PHKA2: variants seen among roughly 807,000 people sequenced by gnomAD.
The protein encoded by PHKA2 is phosphorylase b kinase regulatory subunit alpha, liver isoform.
PHKA2 carries 31 observed loss-of-function variants against 102.0 expected under a neutral mutation model. The observed-to-expected ratio is 0.30, with a 90% CI of 0.23 to 0.41. The LOEUF is 0.41. PHKA2 is among the 10% of genes least tolerant of loss of function. The probability of loss-of-function intolerance (pLI) is 1.00; values close to 1 mark genes in which losing one functional copy is unlikely to be tolerated. For synonymous variants in PHKA2, 455 were observed against 416.2 expected (o/e 1.09, Z -1.13); for missense variants, 858 against 1,023.1 (o/e 0.84, Z 2.20).
At chrX:18,936,826 C>T (rs909445328) in intron 10 of PHKA2, among the ~76,000 whole-genome samples, 2 of 112,071 alleles carry the variant, frequency 1.8e-5, no homozygotes, top group African/African-American at 6.5e-5. Context: ...CATTGGGCAA[C>T]AAGTGTGAGC....
chrX:18,971,999 A>G (rs1030145095), intron 1 of PHKA2, among the ~76,000 whole-genome samples: 4 of 112,928 alleles, frequency 3.5e-5, no homozygotes, highest in Non-Finnish European at 5.6e-5. Flanking sequence ...AGTTGAATTT[A>G]TCAATTTATT....
intron 23 of PHKA2, 52 bp from the exon 24 acceptor site, chrX:18,906,866 C>T: frequency 9.4e-7 from 1 of 1,068,166 alleles, no homozygotes; most frequent in Non-Finnish European, 1.3e-6. Context: ...GAGACAGTGC[C>T]TCCTCGCCCT....
rs1203881130 is a variant in PHKA2 at position 18,899,236 on chromosome X, A to G, written c.3058-10T>C. The G allele has an allele frequency of 8.3e-7, 1 of 1,200,945 alleles. No individual in the cohort carries two copies. Among genetic ancestry groups the G allele is most frequent in the African/African-American group, 1.7e-5 (1 of 57,688 alleles). ...GGCCCACAGAAAAGAACTACAAAAC[A>G]AAAAGAATCCACTCAGTTGACAGCA... On this transcript the variant is annotated splice_polypyrimidine_tract_variant and intron_variant, in intron 28 of 32. Coordinates refer to ENST00000379942, the MANE Select transcript of PHKA2 (RefSeq NM_000292.3).
chrX:18,910,926 A>G lies in PHKA2; in HGVS notation c.2172T>C (p.Ser724=), dbSNP rs144151433. ...VPMTLPTKVL[S]AHRKSLNLVD... is the part of the protein sequence containing the mutation. ...CAAGATTCAGTGATTTACGGTGGGCACTTAGAACTTTAGTCGGCAAAGTCA... is the reference window on the plus strand; with the variant it reads ...CAAGATTCAGTGATTTACGGTGGGCGCTTAGAACTTTAGTCGGCAAAGTCA... The change falls in exon 20 of 33, where the codon AGT becomes AGC. Residue 724 remains serine, a synonymous_variant. Transcript: ENST00000379942. The G allele has an allele frequency of 1.5e-4, 178 of 1,191,797 alleles. No individual in the cohort carries two copies. The African/African-American group carries it at 2.7e-3, about 18-fold the overall frequency.
At chrX:18,970,349 T>G (rs1450065282) in intron 1 of PHKA2, among the ~76,000 whole-genome samples, 2 of 112,716 alleles carry the variant, frequency 1.8e-5, no homozygotes, top group Admixed American at 9.4e-5. Flanking sequence ...ATTTTTGTGG[T>G]GAGAACACTT....
intron 1 of PHKA2, among the ~76,000 whole-genome samples, chrX:18,975,062 T>C (rs2049067594): frequency 9.0e-6 from 1 of 111,118 alleles, no homozygotes; most frequent in Non-Finnish European, 1.9e-5. Context: ...GACTCCCACA[T>C]TTCTGTCTCT....
intron 11 of PHKA2, among the ~76,000 whole-genome samples, chrX:18,934,394 C>T (rs770126723): frequency 3.6e-5 from 4 of 111,590 alleles, no homozygotes; most frequent in South Asian, 3.8e-4. Context: ...TGTGGGCTGT[C>T]GGTTCATGTT....
chrX:18,905,379 G>A (rs1320963194), intron 26 of PHKA2, among the ~76,000 whole-genome samples: 1 of 111,371 alleles, frequency 9.0e-6, no homozygotes, highest in Non-Finnish European at 1.9e-5. Flanking sequence ...GTTTCACCAC[G>A]TTGGTCAGGC....
At chrX:18,966,372 G>A (rs2048945139) in intron 1 of PHKA2, among the ~76,000 whole-genome samples, 1 of 110,730 alleles carries the variant, frequency 9.0e-6, no homozygotes, top group South Asian at 3.8e-4. Context: ...GATTACAGGC[G>A]TGAGCCACCA....
chrX:18,926,660 G>A, intron 13 of PHKA2, 73 bp from the exon 14 acceptor site: 4 of 974,672 alleles, frequency 4.1e-6, no homozygotes, highest in Non-Finnish European at 5.8e-6. Context: ...GTTCCTTACT[G>A]CCCTCTTCTG....
In PHKA2 at chrX:18,966,091, TG is replaced by T. The variant is rs1324843014; in HGVS notation, c.79-11680del. 6.7e-3 allele frequency among the ~76,000 whole-genome samples: 685 copies of T among 102,556 alleles called. 18 individuals carry two copies. Among genetic ancestry groups the T allele is most frequent in the African/African-American group, 0.025 (645 of 26,198 alleles). 89.1% of individuals were successfully genotyped at this position (102,556 alleles called of 115,157 possible). On this transcript the variant is annotated intron_variant, in intron 1 of 32. Coordinates refer to ENST00000379942, the MANE Select transcript of PHKA2 (RefSeq NM_000292.3). The stretch of plus-strand genomic sequence containing the variant: ...GGTGGTGGCTCTTTTGTTTTTTTTT[TG>T]TTTTTTTTTTTTTGAGATGGAGTCT...
rs1484080768 is a variant in PHKA2 at position 18,983,862 on chromosome X, C to T, written c.71G>A (p.Cys24Tyr). Residue 24 changes from cysteine to tyrosine, a missense_variant, in exon 1 of 33, where the codon TGT (cysteine) becomes TAT (tyrosine). By Grantham distance (194) the Cys-to-Tyr change is radical. Coordinates refer to ENST00000379942, the MANE Select transcript of PHKA2 (RefSeq NM_000292.3). The stretch of plus-strand genomic sequence containing the variant: ...GGGGCGGTCCCTCCTTACCTGGTAA[C>T]ACAGGATGGTTTGCTGCACCAGCCG... ...YARLVQQTIL[C>Y]YQNPVTGLLS... The T allele has an allele frequency of 8.3e-7, 1 of 1,210,125 alleles. No individual in the cohort carries two copies. The highest frequency in any genetic ancestry group is 2.2e-5 in the Admixed American group (1 of 46,141).
intron 19 of PHKA2, among the ~76,000 whole-genome samples, chrX:18,915,911 G>A (rs2048012928): frequency 9.0e-6 from 1 of 111,320 alleles, no homozygotes; most frequent in Non-Finnish European, 1.9e-5. Flanking sequence ...GAAAATGTTG[G>A]GCAGGAAATG....
At chrX:18,944,466 T>C (rs2048545527) in intron 6 of PHKA2, among the ~76,000 whole-genome samples, 1 of 111,935 alleles carries the variant, frequency 8.9e-6, no homozygotes, top group Admixed American at 9.5e-5. Flanking sequence ...ATACATTACA[T>C]TCTGGAGGAG....
chrX:18,904,983 G>C (rs919108492), intron 26 of PHKA2, among the ~76,000 whole-genome samples: 1 of 111,658 alleles, frequency 9.0e-6, no homozygotes, highest in Non-Finnish European at 1.9e-5. Flanking sequence ...GATAAAAACA[G>C]AGTGAGCGAG....
chrX:18,971,822 T>A (rs2049022925), intron 1 of PHKA2, among the ~76,000 whole-genome samples: 1 of 112,629 alleles, frequency 8.9e-6, no homozygotes, highest in Non-Finnish European at 1.9e-5. Context: ...AAGCCTCTCA[T>A]AAAGTTTCAG....
Position 18,959,783 on chromosome X carries a change from T to C in PHKA2, c.79-5371A>G, listed in dbSNP as rs185419160. Among the ~76,000 whole-genome samples, 18 of 111,574 alleles carry C rather than the reference T, an allele frequency of 1.6e-4. No homozygotes were observed. The East Asian group carries it at 4.2e-3, about 26-fold the overall frequency. On this transcript the variant is annotated intron_variant, in intron 1 of 32. Transcript: ENST00000379942. ...AGGAAATGGGGCAGATCTCTAGATA[T>C]GGCAACTCAGAGGATAGCTAAGAAT...
intron 30 of PHKA2, chrX:18,896,710 T>G (rs2047563880): frequency 1.0e-5 from 2 of 195,228 alleles, no homozygotes; most frequent in Non-Finnish European, 9.6e-6. Context: ...TCCAGGCCTG[T>G]AGGTGCTGCT....
chrX:18,908,866 C>T lies in PHKA2; in HGVS notation c.2295G>A (p.Glu765=). The T allele has an allele frequency of 8.3e-7, 1 of 1,208,982 alleles. No individual in the cohort carries two copies. Among genetic ancestry groups the T allele is most frequent in the Non-Finnish European group, 1.1e-6 (1 of 892,971 alleles). ...GTAGGTTCGAACAATCTTTTAGCTG[C>T]TCAACCAGCTTCTCACAGTCCACGT... ...HGDVDCEKLV[E]QLKDCSNLQD... The change falls in exon 21 of 33, where the codon GAG becomes GAA. Residue 765 remains glutamate (E), a synonymous_variant. Coordinates refer to ENST00000379942, the MANE Select transcript of PHKA2 (RefSeq NM_000292.3).
Sources: allele counts gnomAD v4.1 joint callset (sites outside exome capture counted in the v4.1 genomes callset), GRCh38; gene constraint gnomAD v4.1.1; transcripts MANE v1.5; gene names NCBI Gene and HGNC (gene_info 2026-07-23, HGNC 2026-07-21).